Variants in ADARB2 observed in about 807,000 individuals in gnomAD.
ADARB2 encodes inactive double-stranded RNA-specific editase B2.
In ADARB2, 25 loss-of-function variants were observed where a neutral mutation model predicts 62.2. The observed-to-expected ratio is 0.40, with a 90% CI of 0.29 to 0.56. The LOEUF (loss-of-function observed/expected upper bound fraction) is 0.56. Ranked by LOEUF, ADARB2 falls within the 20% of genes least tolerant of loss-of-function variation. The pLI, the probability that ADARB2 is intolerant of heterozygous loss-of-function variation, is 0.43. For synonymous variants in ADARB2, 572 were observed against 500.8 expected, an observed-to-expected ratio of 1.14 and a Z score of -1.90; for missense variants, 1,071 against 1,077.4, an observed-to-expected ratio of 0.99 and a Z score of 0.08.
At chr10:1,217,444 G>A (rs34569413) in intron 6 of ADARB2, among the ~76,000 whole-genome samples, 40,443 of 152,178 alleles carry the variant, frequency 0.27, 5,826 homozygotes, top group African/African-American at 0.35. Flanking sequence ...CCAGTAAGGG[G>A]CCACCGCGTC....
Position 1,183,184 on chromosome 10 carries a change from G to A in ADARB2, c.*9C>T. On this transcript the variant is annotated 3_prime_UTR_variant, in exon 10 of 10. Coordinates refer to ENST00000381312, the MANE Select transcript of ADARB2 (RefSeq NM_018702.4). Reference sequence around the variant, plus strand: ...TCCCGCTCAGCTCCAGCAGCCAGGAGCCCGCAGCCTAGAGAGTCAGTAGAA... The same window carrying A: ...TCCCGCTCAGCTCCAGCAGCCAGGAACCCGCAGCCTAGAGAGTCAGTAGAA... The A allele has an allele frequency of 6.2e-7, 1 of 1,610,964 alleles. No individual in the cohort carries two copies. The highest frequency in any genetic ancestry group is 8.5e-7 in the Non-Finnish European group (1 of 1,178,704).
intron 1 of ADARB2, among the ~76,000 whole-genome samples, chr10:1,646,763 G>A (rs1834048263): frequency 1.3e-5 from 2 of 152,240 alleles, no homozygotes; most frequent in African/African-American, 4.8e-5. Context: ...GGGAGGGGGT[G>A]TGTGATGTGC....
chr10:1,329,929 C>CTTTTTTTTTTT (rs370355543), intron 3 of ADARB2, among the ~76,000 whole-genome samples: 2 of 100,218 alleles, frequency 2.0e-5, no homozygotes, highest in African/African-American at 6.8e-5. Flanking sequence ...GAAGAAGTGC[C>CTTTTTTTTTTT]TTTTTTTTTT....
At chr10:1,645,379 C>T (rs900530210) in intron 1 of ADARB2, among the ~76,000 whole-genome samples, 12 of 152,224 alleles carry the variant, frequency 7.9e-5, no homozygotes, top group Non-Finnish European at 1.6e-4. Flanking sequence ...GCCAGCCCAT[C>T]GACCTGGAGC....
intron 1 of ADARB2, among the ~76,000 whole-genome samples, chr10:1,717,156 C>CTTTTTTTTTTTTTTTTTTTTTTTGTTTTT (rs397969884): frequency 1.6e-5 from 1 of 63,272 alleles, no homozygotes; most frequent in Non-Finnish European, 2.9e-5. Flanking sequence ...TTGTAGTGTG[C>CTTTTTTTTTTTTTTTTTTTTTTTGTTTTT]TTTTTTTTTT....
chr10:1,377,212 G>GTGTGCGCCCCTGGGGTGTGTT (rs1390259033), intron 2 of ADARB2, among the ~76,000 whole-genome samples: 1 of 128,024 alleles, frequency 7.8e-6, no homozygotes, highest in African/African-American at 3.0e-5. Flanking sequence ...GTGTGCGTTT[G>GTGTGCGCCCCTGGGGTGTGTT]TGTGCGCCCC....
chr10:1,729,660 G>A (rs10903553), intron 1 of ADARB2, among the ~76,000 whole-genome samples: 80,386 of 152,014 alleles, frequency 0.53, 21,928 homozygotes, highest in Middle Eastern at 0.6. Flanking sequence ...CATTATCAGC[G>A]CCCTAGGTAT....
In ADARB2 at chr10:1,608,279, C is replaced by T. The variant is rs181274484; in HGVS notation, c.100+128772G>A. 1.5e-4 allele frequency among the ~76,000 whole-genome samples: 23 copies of T among 152,320 alleles called. No individual in the cohort carries two copies. The East Asian group carries it at 4.4e-3, about 29-fold the overall frequency. ...ACAGTTTATTTCCTGGATTTATGCT[C>T]ACCGGGTCCCTCAGTCCCAGAGGTC... On this transcript the variant is annotated intron_variant, in intron 1 of 9. Coordinates refer to ENST00000381312, the MANE Select transcript of ADARB2 (RefSeq NM_018702.4).
At chr10:1,696,772 C>A (rs943504501) in intron 1 of ADARB2, among the ~76,000 whole-genome samples, 4 of 152,168 alleles carry the variant, frequency 2.6e-5, no homozygotes, top group Non-Finnish European at 5.9e-5. Context: ...TGCAAAGAGG[C>A]TAGAGGCTGT....
chr10:1,556,869 A>G (rs776617107), intron 1 of ADARB2: 2 of 529,588 alleles, frequency 3.8e-6, no homozygotes, highest in Non-Finnish European at 7.8e-6. Flanking sequence ...TCATGGGGGA[A>G]GGTTTGGTAC....
intron 3 of ADARB2, chr10:1,291,202 AATC>A (rs1253551075): frequency 2.0e-5 from 3 of 152,236 alleles, no homozygotes; most frequent in Admixed American, 6.5e-5. Flanking sequence ...TCTTCTGCAA[AATC>A]ACCAGGGAGG....
At chr10:1,690,462 A>G (rs1214821817) in intron 1 of ADARB2, among the ~76,000 whole-genome samples, 2 of 152,200 alleles carry the variant, frequency 1.3e-5, no homozygotes, top group Non-Finnish European at 1.5e-5. Flanking sequence ...GGTCCCAAGC[A>G]GAGAGCCGTG....
At chr10:1,364,703 C>T (rs1001405176) in intron 2 of ADARB2, among the ~76,000 whole-genome samples, 1 of 152,136 alleles carries the variant, frequency 6.6e-6, no homozygotes, top group African/African-American at 2.4e-5. Context: ...AGGCAGTATG[C>T]GTCATCCAGA....
At chr10:1,530,918 A>G (rs1387283112) in intron 1 of ADARB2, among the ~76,000 whole-genome samples, 1 of 151,624 alleles carries the variant, frequency 6.6e-6, no homozygotes, top group African/African-American at 2.4e-5. Flanking sequence ...CTCAGGTCTC[A>G]GCACTCAGCA....
chr10:1,711,173 G>A (rs956636137), intron 1 of ADARB2, among the ~76,000 whole-genome samples: 8 of 152,184 alleles, frequency 5.3e-5, no homozygotes, highest in Non-Finnish European at 1.5e-5. Context: ...CTCAGGGCTG[G>A]ATCTCAGGTG....
intron 3 of ADARB2, among the ~76,000 whole-genome samples, chr10:1,297,886 G>C (rs538044768): frequency 6.6e-6 from 1 of 152,226 alleles, no homozygotes; most frequent in Non-Finnish European, 1.5e-5. Context: ...CCAGGAGAGA[G>C]GGTGGGACAG....
chr10:1,665,310 C>T (rs1374979016), intron 1 of ADARB2, among the ~76,000 whole-genome samples: 1 of 152,240 alleles, frequency 6.6e-6, no homozygotes, highest in Non-Finnish European at 1.5e-5. Context: ...ATTGGAAATG[C>T]ACGTGAGTGG....
chr10:1,293,387 A>G (rs1269979200), intron 3 of ADARB2, among the ~76,000 whole-genome samples: 2 of 145,150 alleles, frequency 1.4e-5, no homozygotes, highest in African/African-American at 5.1e-5. Context: ...AGAGATTTCA[A>G]AGCAGTTTTA....
At chr10:1,243,737 G>C (rs1431804839) in intron 4 of ADARB2, among the ~76,000 whole-genome samples, 2 of 152,244 alleles carry the variant, frequency 1.3e-5, no homozygotes, top group African/African-American at 4.8e-5. Flanking sequence ...GCTGGGGTCT[G>C]TCTGTCCAGC....
Sources: gnomAD v4.1 joint callset for allele counts (sites outside exome capture counted in the v4.1 genomes callset) on GRCh38, gnomAD v4.1.1 for gene constraint, MANE v1.5 for transcripts, NCBI Gene and HGNC (gene_info 2026-07-23, HGNC 2026-07-21) for gene names.